USP6: variants seen among roughly 807,000 people sequenced by gnomAD.
USP6 encodes the protein ubiquitin specific peptidase 6.
USP6 carries 128 observed loss-of-function variants against 175.7 expected under a neutral mutation model. The observed-to-expected ratio is 0.73, with a 90% CI of 0.63 to 0.84. The LOEUF (loss-of-function observed/expected upper bound fraction) is 0.84, where lower values mean the gene tolerates loss of function less well. Ranked by LOEUF, USP6 falls within the 40% of genes least tolerant of loss-of-function variation. The probability of loss-of-function intolerance (pLI) is 0.00; values close to 1 mark genes in which losing one functional copy is unlikely to be tolerated. For missense variants in USP6, 1,498 were observed against 1,760.3 expected (o/e 0.85, Z 2.67); for synonymous variants, 562 against 630.6 (o/e 0.89, Z 1.63).
At chr17:5,130,543 C>A in intron 10 of USP6, 59 bp from the exon 11 acceptor site, 1 of 1,611,026 alleles carries the variant, frequency 6.2e-7, no homozygotes, top group Non-Finnish European at 8.5e-7. Flanking sequence ...TGGCCAATAC[C>A]CCCAGGCCCT....
rs2072843492 is a variant in USP6, at chr17:5,125,048, T to A, written c.-816T>A. ...CATCTGTAGAAACAGCCACTTCCCA[T>A]CCCTCGCATTACCGCATGAGCTCTG... On this transcript the variant is annotated 5_prime_UTR_variant, in exon 5 of 38. Coordinates refer to ENST00000574788, the MANE Select transcript of USP6 (RefSeq NM_001304284.2). 1 of 152,298 alleles carries A rather than the reference T, an allele frequency of 6.6e-6. No homozygotes were observed. The highest frequency in any genetic ancestry group is 6.5e-5 in the Admixed American group (1 of 15,274). The allele number at this position is 152,298 out of a possible 1,614,324, so 9.4% of individuals were successfully genotyped here.
intron 17 of USP6, 77 bp downstream of exon 17, chr17:5,136,005 C>T: frequency 2.5e-6 from 4 of 1,591,972 alleles, no homozygotes; most frequent in Non-Finnish European, 3.4e-6. Flanking sequence ...TCTCGGCTTT[C>T]AGCCAAGGCA....
At chr17:5,117,572 C>T (rs934027293) in intron 1 of USP6, among the ~76,000 whole-genome samples, 4 of 150,654 alleles carry the variant, frequency 2.7e-5, no homozygotes, top group East Asian at 2.0e-4. Flanking sequence ...TAAATGGGGT[C>T]GCATCAGAAT....
At position 5,136,739 on chromosome 17, in the gene USP6, G is replaced by C. The variant is rs376501377; in HGVS notation, c.759+5G>C. ...CCCAAGACCATGTGGCATCAGGTGA[G>C]TTTATGGTCCCCTCGGCTCTTCTCA... On this transcript the variant is annotated splice_donor_5th_base_variant and intron_variant, in intron 18 of 37. Coordinates refer to ENST00000574788, the MANE Select transcript of USP6 (RefSeq NM_001304284.2). 4.3e-6 allele frequency: 7 copies of C among 1,612,122 alleles called. No individual in the cohort carries two copies. The highest frequency in any genetic ancestry group is 1.3e-5 in the African/African-American group (1 of 74,892).
intron 2 of USP6, among the ~76,000 whole-genome samples, chr17:5,119,112 A>G (rs534568797): frequency 6.6e-6 from 1 of 152,308 alleles, no homozygotes; most frequent in South Asian, 2.1e-4. Context: ...AAGTATTTAT[A>G]TGAAGAAACC....
rs200701060 is a variant in USP6, at chr17:5,172,190, A to T, written c.4047+511A>T. 4.5e-3 allele frequency among the ~76,000 whole-genome samples: 676 copies of T among 151,178 alleles called. 6 individuals are homozygous for T. The highest frequency in any genetic ancestry group is 0.014 in the African/African-American group (593 of 41,062). The stretch of plus-strand genomic sequence containing the variant: ...GCTCTGTCTCAAAAAAAAAAAAAAA[A>T]AGTAGTTAGTTAATGCAAAAAGCTC... On this transcript the variant is annotated intron_variant, in intron 37 of 37. Transcript: ENST00000574788.
intron 15 of USP6, chr17:5,134,589 G>A (rs577693623): frequency 5.3e-4 from 93 of 174,246 alleles, no homozygotes; most frequent in Non-Finnish European, 1.0e-3. Context: ...TGGAGCCTTC[G>A]GGGATGGCCT....
Position 5,137,704 on chromosome 17 carries a change from A to G in USP6, c.879A>G (p.Glu293=), listed in dbSNP as rs767248353. The part of the protein sequence containing the change: ...RLWDVYLVEG[E]QVLMPITSIA... ...GGGACGTGTATTTGGTGGAAGGAGA[A>G]CAGGTGTTGATGCCAATAACCAGCA... The change falls in exon 20 of 38, where the codon GAA becomes GAG. Residue 293 remains glutamate, a synonymous_variant. Transcript: ENST00000574788. The G allele has an allele frequency of 5.0e-6, 8 of 1,608,562 alleles. No individual in the cohort carries two copies. The highest frequency in any genetic ancestry group is 6.8e-6 in the Non-Finnish European group (8 of 1,176,208).
intron 28 of USP6, among the ~76,000 whole-genome samples, chr17:5,146,683 T>G (rs1196944693): frequency 6.6e-6 from 1 of 152,194 alleles, no homozygotes; most frequent in Non-Finnish European, 1.5e-5. Flanking sequence ...AATATATTGC[T>G]TACTCTAAAT....
intron 2 of USP6, among the ~76,000 whole-genome samples, chr17:5,119,838 A>T (rs1454483866): frequency 6.6e-6 from 1 of 152,116 alleles, no homozygotes; most frequent in Non-Finnish European, 1.5e-5. Flanking sequence ...CTTCCTTTTG[A>T]CCCGTGAAGA....
intron 33 of USP6, among the ~76,000 whole-genome samples, chr17:5,163,635 A>C (rs2144133373): frequency 6.6e-6 from 1 of 152,354 alleles, no homozygotes; most frequent in African/African-American, 2.4e-5. Context: ...CAGGCATTAA[A>C]TTTCAAAAAT....
rs770383049 is a variant in USP6, at chr17:5,146,154, G to T, written c.2299G>T (p.Val767Leu). The T allele has an allele frequency of 2.5e-6, 4 of 1,610,110 alleles. No individual in the cohort carries two copies. The highest frequency in any genetic ancestry group is 2.2e-5 in the East Asian group (1 of 44,788). ...TTCAGAACAAATCCTACTAGCAGAA[G>T]TACATGATTCCAACATAAAGGTAAT... The part of the protein sequence containing the change: ...LNSEQILLAE[V>L]HDSNIKNFPQ... The change falls in exon 28 of 38, where the codon GTA (valine) becomes TTA (leucine). Residue 767 changes from valine to leucine, a missense_variant. Transcript: ENST00000574788.
intron 30 of USP6, among the ~76,000 whole-genome samples, chr17:5,149,026 T>C (rs2073690366): frequency 1.3e-5 from 2 of 152,230 alleles, no homozygotes; most frequent in Non-Finnish European, 2.9e-5. Flanking sequence ...TCATGATGGC[T>C]AATGTATGAA....
chr17:5,173,030 G>A lies in USP6; in HGVS notation c.*52G>A, dbSNP rs756735434. 6.3e-7 allele frequency: 1 copy of A among 1,589,098 alleles called. No homozygotes were observed. Among genetic ancestry groups the A allele is most frequent in the East Asian group, 2.3e-5 (1 of 44,390 alleles). On this transcript the variant is annotated 3_prime_UTR_variant, in exon 38 of 38. Transcript: ENST00000574788. ...TTGGTGGCGAGGGAGATGACTCCTT[G>A]TAGCTGATACTTGGCAAAAGTGTCA...
intron 23 of USP6, 67 bp from the exon 24 acceptor site, chr17:5,141,936 T>C: frequency 6.5e-7 from 1 of 1,544,674 alleles, no homozygotes; most frequent in Non-Finnish European, 8.7e-7. Context: ...TCATTGAATA[T>C]AAGTAACTGT....
At chr17:5,150,566 T>G (rs1598058726) in intron 30 of USP6, among the ~76,000 whole-genome samples, 1 of 150,430 alleles carries the variant, frequency 6.6e-6, no homozygotes, top group South Asian at 2.1e-4. Flanking sequence ...GCAATCTCGG[T>G]TCACTGCAGC....
chr17:5,129,236 C>T (rs1220272240), intron 8 of USP6, 103 bp downstream of exon 8: 1 of 152,280 alleles, frequency 6.6e-6, no homozygotes, highest in Non-Finnish European at 1.5e-5. Context: ...GACTTCAGGC[C>T]TCAACCCTGA....
intron 31 of USP6, among the ~76,000 whole-genome samples, chr17:5,159,836 G>A (rs1334968525): frequency 6.6e-6 from 1 of 151,946 alleles, no homozygotes; most frequent in Non-Finnish European, 1.5e-5. Flanking sequence ...GGTGGTGCAT[G>A]CCTGTAATCC....
rs186850109 is a variant in USP6 at position 5,116,330 on chromosome 17, A to G, written c.-2338A>G. Reference sequence around the variant, plus strand: ...CCCGCTCCCGGCGGCCCGCCTCACCACTCCCGGCTTCCCGGGGCTTAGGCC... The same window carrying G: ...CCCGCTCCCGGCGGCCCGCCTCACCGCTCCCGGCTTCCCGGGGCTTAGGCC... On this transcript the variant is annotated 5_prime_UTR_variant, in exon 1 of 38. Transcript: ENST00000574788. The G allele has an allele frequency of 0.013, 1,915 of 151,578 alleles. 13 individuals carry two copies. Among genetic ancestry groups the G allele is most frequent in the Non-Finnish European group, 0.02 (1,374 of 68,322 alleles). 9.4% of individuals were successfully genotyped at this position (151,578 alleles called of 1,614,324 possible). A position where few individuals can be genotyped will look rare whatever the true frequency, so the allele number is the denominator to read the frequency against.
Sources: gnomAD v4.1 joint callset for allele counts (sites outside exome capture counted in the v4.1 genomes callset) on GRCh38, gnomAD v4.1.1 for gene constraint, MANE v1.5 for transcripts, NCBI Gene and HGNC (gene_info 2026-07-23, HGNC 2026-07-21) for gene names.